Variants in KCTD16 observed in about 807,000 individuals in gnomAD.
The protein encoded by KCTD16 is BTB/POZ domain-containing protein KCTD16.
In KCTD16, 13 loss-of-function variants were observed where a neutral mutation model predicts 33.2. The observed-to-expected ratio is 0.39, with a 90% confidence interval of 0.25 to 0.62. KCTD16 has a LOEUF of 0.62. KCTD16 is among the 20% of genes least tolerant of loss of function. The pLI, the probability that KCTD16 is intolerant of heterozygous loss-of-function variation, is 0.50. For missense variants in KCTD16, 441 were observed against 525.1 expected (o/e 0.84, Z 1.57); for synonymous variants, 197 against 195.3 (o/e 1.01, Z -0.07).
intron 3 of KCTD16, among the ~76,000 whole-genome samples, chr5:144,245,927 C>T (rs1754537347): frequency 6.6e-6 from 1 of 152,188 alleles, no homozygotes; most frequent in Non-Finnish European, 1.5e-5. Context: ...TACCCAGTCT[C>T]AGCTATCTCT....
In KCTD16 at chr5:144,478,083, G is replaced by A. The variant is rs1327052284; in HGVS notation, c.*3969G>A. 2 of 151,730 alleles carry A rather than the reference G, an allele frequency of 1.3e-5. No homozygotes were observed. The highest frequency in any genetic ancestry group is 2.9e-5 in the Non-Finnish European group (2 of 67,868). 9.4% of individuals were successfully genotyped at this position (151,730 alleles called of 1,614,324 possible). On this transcript the variant is annotated 3_prime_UTR_variant, in exon 4 of 4. Transcript: ENST00000512467. ...CTCTCTTTAATGTCTTGGTATTGTTGGTGTCTTGCAATCTTGATGCCCCAC... is the reference window on the plus strand; with the variant it reads ...CTCTCTTTAATGTCTTGGTATTGTTAGTGTCTTGCAATCTTGATGCCCCAC...
chr5:144,298,454 A>G (rs1031012298), intron 3 of KCTD16, among the ~76,000 whole-genome samples: 24 of 152,328 alleles, frequency 1.6e-4, no homozygotes, highest in African/African-American at 5.5e-4. Flanking sequence ...TGCCAGCCAG[A>G]TGGAAGGTTA....
chr5:144,299,938 C>T (rs1456803763), intron 3 of KCTD16, among the ~76,000 whole-genome samples: 1 of 149,186 alleles, frequency 6.7e-6, no homozygotes, highest in Admixed American at 6.6e-5. Flanking sequence ...AACAAAAAGA[C>T]CCATTTTCTT....
chr5:144,480,103 C>T lies in KCTD16; in HGVS notation c.*5989C>T, dbSNP rs765617346. 5 of 151,992 alleles carry T rather than the reference C, an allele frequency of 3.3e-5. No individual in the cohort carries two copies. Among genetic ancestry groups the T allele is most frequent in the Non-Finnish European group, 7.4e-5 (5 of 67,954 alleles). The allele number at this position is 151,992 out of a possible 1,614,324, so 9.4% of individuals were successfully genotyped here. ...CCATCCATCACAAATGGAAGCAGAA[C>T]TGATGCTTAGTAAAGTAATGAGAGT... is the stretch of plus-strand genomic sequence containing the variant. On this transcript the variant is annotated 3_prime_UTR_variant, in exon 4 of 4. Coordinates refer to ENST00000512467, the MANE Select transcript of KCTD16 (RefSeq NM_020768.4).
intron 3 of KCTD16, among the ~76,000 whole-genome samples, chr5:144,395,281 G>A (rs1361583019): frequency 6.6e-6 from 1 of 152,128 alleles, no homozygotes; most frequent in Non-Finnish European, 1.5e-5. Context: ...TCACAGATAA[G>A]CATGGGGAGG....
intron 3 of KCTD16, among the ~76,000 whole-genome samples, chr5:144,411,016 A>G (rs1752920444): frequency 6.6e-6 from 1 of 152,204 alleles, no homozygotes; most frequent in Admixed American, 6.5e-5. Context: ...AAATCTATAA[A>G]GCACTGATGA....
chr5:144,186,990 G>T (rs1339077872), intron 2 of KCTD16, among the ~76,000 whole-genome samples: 2 of 152,134 alleles, frequency 1.3e-5, no homozygotes, highest in Non-Finnish European at 2.9e-5. Flanking sequence ...CGCTTACAGT[G>T]TCACTGGGGG....
At chr5:144,247,295 C>A (rs190420243) in intron 3 of KCTD16, among the ~76,000 whole-genome samples, 1 of 152,296 alleles carries the variant, frequency 6.6e-6, no homozygotes, top group Admixed American at 6.5e-5. Flanking sequence ...TGAAACACTT[C>A]CTCTGGGGGC....
At chr5:144,201,685 C>T (rs1382731608) in intron 2 of KCTD16, among the ~76,000 whole-genome samples, 2 of 152,224 alleles carry the variant, frequency 1.3e-5, no homozygotes, top group African/African-American at 4.8e-5. Context: ...CAAAGTCACA[C>T]AGCCAGCCAG....
intron 3 of KCTD16, among the ~76,000 whole-genome samples, chr5:144,437,088 A>G (rs1270898325): frequency 3.3e-5 from 5 of 152,162 alleles, no homozygotes; most frequent in African/African-American, 1.2e-4. Flanking sequence ...GTTTTGGAAG[A>G]CAGGCAGGAA....
chr5:144,171,192 T>C (rs1333564241), intron 1 of KCTD16, among the ~76,000 whole-genome samples, 183 bp downstream of exon 1: 1 of 152,170 alleles, frequency 6.6e-6, no homozygotes. Flanking sequence ...CACATACAAA[T>C]GCATGTGAAA....
chr5:144,396,819 C>A (rs1345198154), intron 3 of KCTD16, among the ~76,000 whole-genome samples: 1 of 151,090 alleles, frequency 6.6e-6, no homozygotes, highest in South Asian at 2.1e-4. Context: ...CTTTCCAGTC[C>A]CCGAGATATA....
At chr5:144,325,959 A>G (rs1016807284) in intron 3 of KCTD16, among the ~76,000 whole-genome samples, 24 of 152,180 alleles carry the variant, frequency 1.6e-4, no homozygotes, top group Non-Finnish European at 2.6e-4. Flanking sequence ...GTTACTATGT[A>G]TTCCATTTCA....
intron 3 of KCTD16, among the ~76,000 whole-genome samples, chr5:144,224,450 G>T (rs551534800): frequency 2.2e-5 from 3 of 137,596 alleles, no homozygotes; most frequent in Admixed American, 1.6e-4. Flanking sequence ...GGTTAAAATG[G>T]TGCTTTCTAT....
intron 3 of KCTD16, among the ~76,000 whole-genome samples, chr5:144,361,630 C>T (rs890079035): frequency 2.6e-5 from 4 of 152,108 alleles, no homozygotes; most frequent in Non-Finnish European, 5.9e-5. Flanking sequence ...GCTATGCAAT[C>T]CTTTTGGGGT....
At chr5:144,250,432 G>C (rs1754666592) in intron 3 of KCTD16, among the ~76,000 whole-genome samples, 1 of 152,154 alleles carries the variant, frequency 6.6e-6, no homozygotes, top group South Asian at 2.1e-4. Context: ...AGTATCTGTA[G>C]CCCAGAAATC....
chr5:144,462,159 T>A (rs1754210933), intron 3 of KCTD16, among the ~76,000 whole-genome samples: 1 of 152,148 alleles, frequency 6.6e-6, no homozygotes, highest in Admixed American at 6.5e-5. Context: ...CTTCCTTTAC[T>A]GTCTCACATT....
At chr5:144,423,179 T>C (rs1442368731) in intron 3 of KCTD16, among the ~76,000 whole-genome samples, 1 of 151,976 alleles carries the variant, frequency 6.6e-6, no homozygotes, top group Non-Finnish European at 1.5e-5. Context: ...GTGAAGTGAT[T>C]GAGGAAGGGA....
intron 3 of KCTD16, among the ~76,000 whole-genome samples, chr5:144,448,882 A>G (rs966595958): frequency 3.9e-5 from 6 of 152,080 alleles, no homozygotes; most frequent in Non-Finnish European, 5.9e-5. Context: ...GGTTTAATAT[A>G]TGATAAACTT....
Sources: allele counts gnomAD v4.1 joint callset (sites outside exome capture counted in the v4.1 genomes callset), GRCh38; gene constraint gnomAD v4.1.1; transcripts MANE v1.5; gene names NCBI Gene and HGNC (gene_info 2026-07-23, HGNC 2026-07-21).